The following PPIP5K2 variants were observed in gnomAD, a reference collection of about 807,000 sequenced individuals.
The protein encoded by PPIP5K2 is diphosphoinositol pentakisphosphate kinase 2.
PPIP5K2 carries 105 observed loss-of-function variants against 154.6 expected under a neutral mutation model. That is an observed-to-expected ratio of 0.68 (90% CI 0.58 to 0.80). The LOEUF (loss-of-function observed/expected upper bound fraction) is 0.80. PPIP5K2 is among the 30% of genes least tolerant of loss of function. The pLI is 0.00. For synonymous variants in PPIP5K2, 480 were observed against 490.3 expected (o/e 0.98, Z 0.28); for missense variants, 992 against 1,504.6 (o/e 0.66, Z 5.64).
chr5:103,156,062 T>C, intron 14 of PPIP5K2, 68 bp downstream of exon 14: 1 of 1,072,926 alleles, frequency 9.3e-7, no homozygotes. Context: ...GTTGATTACC[T>C]TTGGACCATC....
At chr5:103,160,963 T>G (rs1796125280) in intron 17 of PPIP5K2, among the ~76,000 whole-genome samples, 1 of 152,124 alleles carries the variant, frequency 6.6e-6, no homozygotes, top group African/African-American at 2.4e-5. Flanking sequence ...CATTCTTTTT[T>G]TTTTTTAAAT....
intron 2 of PPIP5K2, among the ~76,000 whole-genome samples, chr5:103,131,895 C>T (rs782564223): frequency 2.0e-5 from 3 of 152,016 alleles, no homozygotes; most frequent in Non-Finnish European, 2.9e-5. Flanking sequence ...GAATGGTTCC[C>T]ATTCATCTTA....
Position 103,180,045 on chromosome 5 carries a change from A to G in PPIP5K2, c.2779A>G (p.Ile927Val), listed in dbSNP as rs1016319269. Residue 927 changes from isoleucine to valine, a missense_variant, in exon 24 of 31, where the codon ATT becomes GTT. By Grantham distance (29) the Ile-to-Val change is conservative. Transcript: ENST00000358359. Reference protein sequence around the residue: ...RENEGRRPFKIDNDDEPHTSK... With the variant: ...RENEGRRPFKVDNDDEPHTSK... ...GAATGAAGGCAGGAGACCTTTTAAAATTGATAATGATGATGAACCACATAC... is the reference window on the plus strand; with the variant it reads ...GAATGAAGGCAGGAGACCTTTTAAAGTTGATAATGATGATGAACCACATAC... 2 of 1,548,012 alleles carry G rather than the reference A, an allele frequency of 1.3e-6. No homozygotes were observed. The highest frequency in any genetic ancestry group is 1.7e-6 in the Non-Finnish European group (2 of 1,150,200).
intron 30 of PPIP5K2, among the ~76,000 whole-genome samples, chr5:103,200,117 G>C (rs1802744240): frequency 6.6e-6 from 1 of 152,192 alleles, no homozygotes; most frequent in Non-Finnish European, 1.5e-5. Context: ...CCTTGGCTGA[G>C]CTCAGATTGT....
intron 26 of PPIP5K2, among the ~76,000 whole-genome samples, chr5:103,186,026 C>A (rs1377877689): frequency 1.3e-5 from 2 of 149,722 alleles, no homozygotes; most frequent in African/African-American, 2.5e-5. Context: ...GTTTTTAATA[C>A]TTTAGGATGT....
intron 30 of PPIP5K2, among the ~76,000 whole-genome samples, chr5:103,197,166 A>G (rs1802219418): frequency 6.6e-6 from 1 of 152,078 alleles, no homozygotes; most frequent in Admixed American, 6.6e-5. Context: ...GCCTTTTTCC[A>G]GGTTTTGGTA....
intron 29 of PPIP5K2, among the ~76,000 whole-genome samples, chr5:103,193,735 G>A (rs1406995808): frequency 6.6e-6 from 1 of 152,022 alleles, no homozygotes; most frequent in Non-Finnish European, 1.5e-5. Context: ...TTCATTGTAG[G>A]TGTCAACCAG....
chr5:103,154,974 G>T (rs781826371), intron 13 of PPIP5K2, 31 bp downstream of exon 13: 1 of 1,342,288 alleles, frequency 7.4e-7, no homozygotes, highest in East Asian at 2.3e-5. Context: ...CTTAATTGTG[G>T]TACTACATAT....
chr5:103,145,602 C>T (rs1158430417), intron 5 of PPIP5K2, among the ~76,000 whole-genome samples: 3 of 151,764 alleles, frequency 2.0e-5, no homozygotes, highest in Non-Finnish European at 4.4e-5. Context: ...ATGGATGGAA[C>T]TGGAGGTCTT....
intron 26 of PPIP5K2, among the ~76,000 whole-genome samples, chr5:103,186,083 A>AT (rs1800326843): frequency 1.3e-5 from 2 of 152,032 alleles, no homozygotes; most frequent in Admixed American, 1.3e-4. Flanking sequence ...CAAAGATAAC[A>AT]TTTTGTCCAA....
intron 3 of PPIP5K2, among the ~76,000 whole-genome samples, chr5:103,135,382 A>G (rs923436519): frequency 1.3e-5 from 2 of 152,188 alleles, no homozygotes; most frequent in Non-Finnish European, 2.9e-5. Context: ...CTGTTACGGT[A>G]TACAACTGAT....
chr5:103,158,132 A>T (rs1171433872), intron 14 of PPIP5K2, 56 bp from the exon 15 acceptor site: 2 of 1,557,090 alleles, frequency 1.3e-6, no homozygotes, highest in African/African-American at 2.7e-5. Context: ...ATGAATCTTA[A>T]GTCTGTTTAA....
chr5:103,127,933 CTGTTGT>C (rs35702000), intron 1 of PPIP5K2, among the ~76,000 whole-genome samples: 4 of 151,042 alleles, frequency 2.6e-5, no homozygotes, highest in Admixed American at 6.6e-5. Flanking sequence ...TGGAAACTTT[CTGTTGT>C]TGTTGTTTTT....
intron 17 of PPIP5K2, among the ~76,000 whole-genome samples, chr5:103,163,266 A>C (rs548855175): frequency 6.6e-6 from 1 of 151,686 alleles, no homozygotes; most frequent in African/African-American, 2.4e-5. Flanking sequence ...ATATTCTTTA[A>C]TATCTTTCAA....
intron 17 of PPIP5K2, among the ~76,000 whole-genome samples, chr5:103,160,927 T>G (rs1442875165): frequency 1.3e-5 from 2 of 151,858 alleles, no homozygotes; most frequent in African/African-American, 4.8e-5. Context: ...AATGTCAAAC[T>G]GTTTTTTTTT....
At chr5:103,157,297 C>T (rs376389492) in intron 14 of PPIP5K2, among the ~76,000 whole-genome samples, 1 of 151,862 alleles carries the variant, frequency 6.6e-6, no homozygotes, top group Non-Finnish European at 1.5e-5. Flanking sequence ...TTTCTTTGTT[C>T]AAGAAAATAC....
intron 21 of PPIP5K2, among the ~76,000 whole-genome samples, chr5:103,174,563 A>G (rs782398395): frequency 2.0e-4 from 30 of 152,042 alleles, no homozygotes; most frequent in Non-Finnish European, 3.5e-4. Flanking sequence ...GCGGTTATCA[A>G]GCAGAACACC....
rs145674821 is a variant in PPIP5K2, at chr5:103,126,136, C to A, written c.-284-3170C>A. Among the ~76,000 whole-genome samples the A allele has an allele frequency of 7.2e-5, 11 of 152,230 alleles. No individual in the cohort carries two copies. The East Asian group carries it at 2.1e-3, about 29-fold the overall frequency. ...CACCATATAACCCCATGGTTGGTTT[C>A]TCATTTAAATTAAATTTATATTTAA... On this transcript the variant is annotated intron_variant, in intron 1 of 30. Coordinates refer to ENST00000358359, the MANE Select transcript of PPIP5K2 (RefSeq NM_001276277.3).
At chr5:103,131,171 T>A (rs1790541714) in intron 2 of PPIP5K2, among the ~76,000 whole-genome samples, 1 of 152,190 alleles carries the variant, frequency 6.6e-6, no homozygotes. Context: ...GTCTTTACGT[T>A]GCTGTATATA....
Sources: gnomAD v4.1 joint callset for allele counts (sites outside exome capture counted in the v4.1 genomes callset) on GRCh38, gnomAD v4.1.1 for gene constraint, MANE v1.5 for transcripts, NCBI Gene and HGNC (gene_info 2026-07-23, HGNC 2026-07-21) for gene names.